The following CEP83 variants were observed in gnomAD, a reference collection of about 807,000 sequenced individuals.
CEP83 encodes the protein centrosomal protein 83.
Under a neutral mutation model 101.9 loss-of-function variants are expected in CEP83, and 70 were observed. The observed-to-expected ratio is 0.69, with a 90% confidence interval of 0.57 to 0.84. The LOEUF (loss-of-function observed/expected upper bound fraction) is 0.84. Among genes scored for constraint, CEP83 ranks in the 40% least tolerant of loss-of-function variants. The pLI is 0.00. For synonymous variants in CEP83, 264 were observed against 267.9 expected, an observed-to-expected ratio of 0.99 and a Z score of 0.14; for missense variants, 715 against 787.2, an observed-to-expected ratio of 0.91 and a Z score of 1.10.
the CEP83 span, chr12:94,298,903 A>C: frequency 1.8e-6 from 2 of 1,083,180 alleles, no homozygotes; most frequent in Non-Finnish European, 2.6e-6. Flanking sequence ...CTATATCAGA[A>C]TCTTTGGGCT....
At chr12:94,443,479 G>A (rs2066571161) in intron 1 of CEP83, among the ~76,000 whole-genome samples, 1 of 151,790 alleles carries the variant, frequency 6.6e-6, no homozygotes, top group African/African-American at 2.4e-5. Context: ...CTTGCCCCAG[G>A]ATATTTATTC....
At position 94,333,464 on chromosome 12, in the gene CEP83, A is replaced by C. The variant is rs1441946243; in HGVS notation, c.1577+18T>G. 2 of 1,604,020 alleles carry C rather than the reference A, an allele frequency of 1.2e-6. No homozygotes were observed. The highest frequency in any genetic ancestry group is 1.3e-5 in the African/African-American group (1 of 74,124). ...AGAAAAAAGAAAAAATAGTTTGTAC[A>C]TAAAGAGCAAACTCTACTTTTCAGC... On this transcript the variant is annotated intron_variant, in intron 13 of 16. Transcript: ENST00000397809.
At chr12:94,319,292 T>G (rs2136352259) in intron 14 of CEP83, among the ~76,000 whole-genome samples, 1 of 152,278 alleles carries the variant, frequency 6.6e-6, no homozygotes, top group South Asian at 2.1e-4. Flanking sequence ...ATTTGGATCT[T>G]CTCATTTTTC....
chr12:94,455,941 G>A (rs1175355333), intron 1 of CEP83, among the ~76,000 whole-genome samples: 1 of 151,972 alleles, frequency 6.6e-6, no homozygotes, highest in Admixed American at 6.6e-5. Context: ...CCAGCCACTT[G>A]GGAGGCTGAG....
intron 4 of CEP83, among the ~76,000 whole-genome samples, chr12:94,409,922 A>C (rs1439451672): frequency 6.6e-6 from 1 of 152,144 alleles, no homozygotes; most frequent in Non-Finnish European, 1.5e-5. Flanking sequence ...TCATCAGCTT[A>C]ACTAATTACA....
At position 94,315,866 on chromosome 12, in the gene CEP83, C is replaced by T. The variant is rs144656973; in HGVS notation, c.1708-2849G>A. Among the ~76,000 whole-genome samples the T allele has an allele frequency of 7.9e-4, 120 of 152,172 alleles. 1 individual carries two copies. In the East Asian group the frequency reaches 0.022, roughly 28 times the overall value. ...TCTGGACTCTATACTGTTCCATTTG[C>T]CTGTTTATCCTTATGCCAATACCAC... On this transcript the variant is annotated intron_variant, in intron 14 of 16. Transcript: ENST00000397809.
intron 11 of CEP83, among the ~76,000 whole-genome samples, chr12:94,341,158 T>C (rs1217575980): frequency 2.0e-5 from 3 of 152,130 alleles, no homozygotes; most frequent in African/African-American, 4.8e-5. Context: ...ACAGTACTTT[T>C]ATAAAAATAA....
intron 14 of CEP83, among the ~76,000 whole-genome samples, chr12:94,328,656 A>C (rs2059076001): frequency 6.6e-6 from 1 of 152,176 alleles, no homozygotes; most frequent in African/African-American, 2.4e-5. Context: ...CTTTAACTTG[A>C]ATGGGAAAAG....
At chr12:94,279,864 G>T in the CEP83 span, 6 of 689,638 alleles carry the variant, frequency 8.7e-6, no homozygotes, top group Non-Finnish European at 1.1e-5. Context: ...GTCCTTCAAA[G>T]ATGGCGTTTG....
intron 11 of CEP83, among the ~76,000 whole-genome samples, chr12:94,347,369 C>T (rs1474972117): frequency 6.6e-6 from 1 of 151,860 alleles, no homozygotes; most frequent in Non-Finnish European, 1.5e-5. Context: ...TACAACATAT[C>T]CAATTAGAAT....
At chr12:94,424,699 G>A in intron 2 of CEP83, 2 of 1,609,754 alleles carry the variant, frequency 1.2e-6, no homozygotes, top group South Asian at 1.1e-5. Flanking sequence ...TTGTGGTCTT[G>A]TCCAGTACGG....
intron 11 of CEP83, among the ~76,000 whole-genome samples, chr12:94,354,982 C>T (rs1593360363): frequency 6.6e-6 from 1 of 151,288 alleles, no homozygotes; most frequent in East Asian, 2.0e-4. Context: ...AGCCTGGCTA[C>T]AGAGTGAGAC....
the CEP83 span, among the ~76,000 whole-genome samples, chr12:94,300,685 T>A: frequency 1.3e-5 from 2 of 152,202 alleles, no homozygotes; most frequent in Non-Finnish European, 2.9e-5. Context: ...CCATGGCCAC[T>A]TTCAAACTTA....
chr12:94,332,577 ATACTGTCATTAGAAT>A (rs1044036383), intron 13 of CEP83, among the ~76,000 whole-genome samples: 1 of 152,198 alleles, frequency 6.6e-6, no homozygotes, highest in Non-Finnish European at 1.5e-5. Context: ...TTTGCTAGCT[ATACTGTCATTAGAAT>A]TATTAAGCTC....
chr12:94,398,442 A>G (rs953036676), intron 6 of CEP83, among the ~76,000 whole-genome samples: 1 of 152,190 alleles, frequency 6.6e-6, no homozygotes, highest in African/African-American at 2.4e-5. Context: ...ATGGACATTT[A>G]TCAGTTCCCA....
intron 6 of CEP83, among the ~76,000 whole-genome samples, chr12:94,397,175 C>G (rs1004801844): frequency 6.6e-6 from 1 of 152,140 alleles, no homozygotes; most frequent in Non-Finnish European, 1.5e-5. Flanking sequence ...TCTTCAGATT[C>G]TTAAGACTAT....
intron 11 of CEP83, among the ~76,000 whole-genome samples, chr12:94,343,307 C>G (rs550072793): frequency 1.3e-5 from 2 of 151,842 alleles, no homozygotes. Flanking sequence ...GGGTCAGCAC[C>G]GTGAGACTGT....
At chr12:94,287,106 G>A in the CEP83 span, among the ~76,000 whole-genome samples, 1 of 152,184 alleles carries the variant, frequency 6.6e-6, no homozygotes, top group South Asian at 2.1e-4. Flanking sequence ...AAAAACCCTG[G>A]GAGGCAGGTG....
At chr12:94,356,274 T>G (rs1483005007) in intron 11 of CEP83, among the ~76,000 whole-genome samples, 2 of 152,280 alleles carry the variant, frequency 1.3e-5, no homozygotes, top group Non-Finnish European at 2.9e-5. Flanking sequence ...TTTTTCACAC[T>G]GATAACAAGG....
Sources: gnomAD v4.1 joint callset for allele counts (sites outside exome capture counted in the v4.1 genomes callset) on GRCh38, gnomAD v4.1.1 for gene constraint, MANE v1.5 for transcripts, NCBI Gene and HGNC (gene_info 2026-07-23, HGNC 2026-07-21) for gene names.